ABI1: variants seen among roughly 807,000 people sequenced by gnomAD.
The protein encoded by ABI1 is Abelson interactor 1.
ABI1 carries 14 observed loss-of-function variants against 54.6 expected under a neutral mutation model. The observed-to-expected ratio is 0.26, with a 90% confidence interval of 0.17 to 0.40. ABI1 has a LOEUF of 0.40. Among genes scored for constraint, ABI1 ranks in the 10% least tolerant of loss-of-function variants. The pLI is 1.00. For missense variants in ABI1, 443 were observed against 598.3 expected (o/e 0.74, Z 2.71); for synonymous variants, 194 against 209.3 (o/e 0.93, Z 0.63).
In ABI1 at chr10:26,777,225, T is replaced by G. The variant is rs775868219; in HGVS notation, c.302A>C (p.Lys101Thr). ...NHISQTVDIH[K>T]EKVARREIGI... is the part of the protein sequence containing the mutation. ...AATCTCTCTTCGTGCCACTTTCTCC[T>G]TATGAATATCCACAGTCTATATTTT... The change falls in exon 3 of 11, where the codon AAG becomes ACG. Residue 101 changes from lysine (K) to threonine (T), a missense_variant. Physicochemically the swap from Lys to Thr is moderately conservative, Grantham distance 78. Transcript: ENST00000376140. 2 of 1,606,212 alleles carry G rather than the reference T, an allele frequency of 1.2e-6. No individual in the cohort carries two copies. The highest frequency in any genetic ancestry group is 2.2e-5 in the South Asian group (2 of 89,182).
chr10:26,766,316 T>A (rs924668138), intron 6 of ABI1, among the ~76,000 whole-genome samples: 2 of 152,190 alleles, frequency 1.3e-5, no homozygotes, highest in Non-Finnish European at 2.9e-5. Context: ...TTGTTTCTAG[T>A]AAGGTATAAG....
chr10:26,821,348 A>G (rs2133772465), intron 2 of ABI1, among the ~76,000 whole-genome samples: 1 of 152,236 alleles, frequency 6.6e-6, no homozygotes, highest in East Asian at 1.9e-4. Flanking sequence ...ACAGAAAACA[A>G]AAACATAGAA....
chr10:26,808,791 G>C (rs1238129632), intron 2 of ABI1, among the ~76,000 whole-genome samples: 1 of 151,352 alleles, frequency 6.6e-6, no homozygotes, highest in Non-Finnish European at 1.5e-5. Context: ...GGATTTCACA[G>C]ATTAATAAAT....
intron 1 of ABI1, among the ~76,000 whole-genome samples, chr10:26,853,580 G>C (rs1238721441): frequency 2.1e-5 from 3 of 141,022 alleles, no homozygotes; most frequent in Non-Finnish European, 4.5e-5. Flanking sequence ...CACCCAGGCT[G>C]CCAGGCTGGA....
At chr10:26,813,880 A>G (rs994349980) in intron 2 of ABI1, among the ~76,000 whole-genome samples, 5 of 152,146 alleles carry the variant, frequency 3.3e-5, no homozygotes, top group African/African-American at 9.7e-5. Context: ...AATTTGTTTG[A>G]ATATCTGATA....
chr10:26,832,530 A>G (rs2048752994), intron 1 of ABI1, among the ~76,000 whole-genome samples: 1 of 151,972 alleles, frequency 6.6e-6, no homozygotes, highest in Non-Finnish European at 1.5e-5. Context: ...CTTGCAGTGA[A>G]CCGAGATCAC....
intron 7 of ABI1, 89 bp from the exon 8 acceptor site, chr10:26,759,327 G>T: frequency 9.4e-7 from 1 of 1,058,480 alleles, no homozygotes; most frequent in Non-Finnish European, 1.3e-6. Flanking sequence ...GGGGGCCTCA[G>T]TAAGAAATAT....
At chr10:26,833,538 A>T (rs74126857) in intron 1 of ABI1, among the ~76,000 whole-genome samples, 1 of 152,096 alleles carries the variant, frequency 6.6e-6, no homozygotes, top group Non-Finnish European at 1.5e-5. Flanking sequence ...TCAACACATA[A>T]TCTGTTATAT....
chr10:26,843,950 C>T (rs894156667), intron 1 of ABI1, among the ~76,000 whole-genome samples: 2 of 152,154 alleles, frequency 1.3e-5, no homozygotes, highest in South Asian at 4.1e-4. Flanking sequence ...TTATGCCAAA[C>T]GTGTCTAGAC....
At chr10:26,853,111 T>C (rs1589088715) in intron 1 of ABI1, among the ~76,000 whole-genome samples, 2 of 151,940 alleles carry the variant, frequency 1.3e-5, no homozygotes, top group African/African-American at 4.8e-5. Flanking sequence ...ACTGTTAAAA[T>C]GACCACGTCA....
chr10:26,814,694 G>A (rs1187342766), intron 2 of ABI1, among the ~76,000 whole-genome samples: 2 of 138,538 alleles, frequency 1.4e-5, no homozygotes, highest in Non-Finnish European at 3.0e-5. Context: ...CTTCACCAAG[G>A]AAAGCTACTA....
chr10:26,798,648 A>G (rs566576385), intron 2 of ABI1, among the ~76,000 whole-genome samples: 1 of 152,244 alleles, frequency 6.6e-6, no homozygotes, highest in Non-Finnish European at 1.5e-5. Flanking sequence ...TGTTACAGCA[A>G]CTATAGGAAA....
At chr10:26,832,848 G>T (rs949308602) in intron 1 of ABI1, among the ~76,000 whole-genome samples, 14 of 152,030 alleles carry the variant, frequency 9.2e-5, no homozygotes, top group African/African-American at 2.9e-4. Flanking sequence ...CCAAATGCTG[G>T]TTCATTACTG....
At chr10:26,779,331 G>A (rs940063415) in intron 2 of ABI1, among the ~76,000 whole-genome samples, 1 of 152,186 alleles carries the variant, frequency 6.6e-6, no homozygotes, top group Non-Finnish European at 1.5e-5. Context: ...ATAAGTACCA[G>A]GAAGTAGGCA....
chr10:26,754,942 T>TC (rs200852558), intron 9 of ABI1, among the ~76,000 whole-genome samples: 247 of 143,462 alleles, frequency 1.7e-3, no homozygotes, highest in Non-Finnish European at 2.6e-3. Context: ...AAATAACTTC[T>TC]CCCCCCCCAC....
chr10:26,809,033 G>A (rs894254280), intron 2 of ABI1, among the ~76,000 whole-genome samples: 56 of 152,210 alleles, frequency 3.7e-4, no homozygotes, highest in African/African-American at 1.3e-3. Flanking sequence ...ACTTTGGGAG[G>A]CCGAGGCAGG....
At chr10:26,819,601 C>T (rs537033920) in intron 2 of ABI1, among the ~76,000 whole-genome samples, 5 of 152,258 alleles carry the variant, frequency 3.3e-5, no homozygotes, top group Admixed American at 3.3e-4. Context: ...AGACATTCCA[C>T]CTGACCAGAG....
intron 2 of ABI1, among the ~76,000 whole-genome samples, chr10:26,822,560 G>A (rs2048048799): frequency 6.6e-6 from 1 of 151,372 alleles, no homozygotes; most frequent in Non-Finnish European, 1.5e-5. Flanking sequence ...AAACATGAAT[G>A]AATCTCAAAA....
chr10:26,760,888 C>CA (rs57750390), intron 7 of ABI1, among the ~76,000 whole-genome samples: 558 of 49,416 alleles, frequency 0.011, 61 homozygotes, highest in South Asian at 0.029. Context: ...GACTCCATCT[C>CA]AAAAAAAAAA....
Sources: allele counts gnomAD v4.1 joint callset (sites outside exome capture counted in the v4.1 genomes callset), GRCh38; gene constraint gnomAD v4.1.1; transcripts MANE v1.5; gene names NCBI Gene and HGNC (gene_info 2026-07-23, HGNC 2026-07-21).